CHD1L: variants seen among roughly 807,000 people sequenced by gnomAD.
CHD1L encodes chromodomain helicase DNA binding protein 1 like.
CHD1L carries 118 observed loss-of-function variants against 115.9 expected under a neutral mutation model. The ratio of observed to expected loss-of-function variants is 1.02; its 90% CI spans 0.88 to 1.19. The LOEUF (loss-of-function observed/expected upper bound fraction) is 1.19. Among genes scored for constraint, CHD1L ranks in the 50% most tolerant of loss-of-function variants. The probability of loss-of-function intolerance (pLI) is 0.00; values close to 1 mark genes in which losing one functional copy is unlikely to be tolerated. For synonymous variants in CHD1L, 411 were observed against 387.1 expected, an observed-to-expected ratio of 1.06 and a Z score of -0.72; for missense variants, 1,179 against 1,065.3, an observed-to-expected ratio of 1.11 and a Z score of -1.49.
the CHD1L span, chr1:147,209,532 C>G: frequency 6.5e-6 from 1 of 154,502 alleles, no homozygotes; most frequent in Non-Finnish European, 1.4e-5. Flanking sequence ...CTGCCATTTT[C>G]CTTCCCAAAC....
At chr1:147,293,552 T>G in intron 20 of CHD1L, 56 bp from the exon 21 acceptor site, 1 of 1,470,878 alleles carries the variant, frequency 6.8e-7, no homozygotes. Flanking sequence ...GGCGGTCACT[T>G]GGTTGAGTGT....
At chr1:147,264,880 T>G (rs1368003247) in intron 7 of CHD1L, among the ~76,000 whole-genome samples, 2 of 152,214 alleles carry the variant, frequency 1.3e-5, no homozygotes, top group Non-Finnish European at 2.9e-5. Flanking sequence ...ACTTGTAATT[T>G]CTATAAAGGC....
chr1:147,282,731 C>T (rs1046039614), intron 15 of CHD1L, among the ~76,000 whole-genome samples: 1 of 152,144 alleles, frequency 6.6e-6, no homozygotes, highest in Non-Finnish European at 1.5e-5. Flanking sequence ...ATAATTTCAG[C>T]TTATTTTCCT....
chr1:147,253,121 G>C (rs1668943746), intron 2 of CHD1L, among the ~76,000 whole-genome samples: 1 of 152,200 alleles, frequency 6.6e-6, no homozygotes, highest in African/African-American at 2.4e-5. Flanking sequence ...TCTAATTTTA[G>C]TATTGGGGTA....
In CHD1L at chr1:147,252,873, C is replaced by G. The variant is rs1033287453; in HGVS notation, c.240+138C>G. On this transcript the variant is annotated intron_variant, in intron 2 of 22. Transcript: ENST00000369258. ...TGGGATCCAGGCTAACTGGCTCTTG[C>G]ACCGGGAAAGGGCCTTCCCTGTACA... The G allele has an allele frequency of 7.3e-6, 5 of 688,332 alleles. No homozygotes were observed. In the East Asian group the frequency reaches 1.3e-4, roughly 19 times the overall value. The allele number at this position is 688,332 out of a possible 1,614,324, so 42.6% of individuals were successfully genotyped here.
chr1:147,233,362 C>T, the CHD1L span, among the ~76,000 whole-genome samples: 153 of 148,530 alleles, frequency 1.0e-3, no homozygotes, highest in Non-Finnish European at 1.7e-3. Flanking sequence ...CCGCCCCGTC[C>T]GGGAGGGAGG....
the CHD1L span, among the ~76,000 whole-genome samples, chr1:147,186,104 A>C: frequency 6.6e-6 from 1 of 152,182 alleles, no homozygotes; most frequent in Non-Finnish European, 1.5e-5. Context: ...GCTACTTATC[A>C]TATTTCCTAA....
intron 11 of CHD1L, among the ~76,000 whole-genome samples, chr1:147,271,566 G>A (rs587756316): frequency 2.0e-5 from 3 of 152,268 alleles, no homozygotes; most frequent in South Asian, 2.1e-4. Flanking sequence ...AACAGCTCCA[G>A]ACCTTACAAT....
At chr1:147,203,406 G>A in the CHD1L span, 2 of 937,908 alleles carry the variant, frequency 2.1e-6, no homozygotes, top group Non-Finnish European at 3.6e-6. Context: ...TGATAGACCA[G>A]TGTTTTCCCA....
rs77910134 is a variant in CHD1L, at chr1:147,269,079, A to C, written c.1085+201A>C. Among the ~76,000 whole-genome samples the C allele has an allele frequency of 2.2e-3, 337 of 151,914 alleles. 10 individuals are homozygous for C. In the East Asian group the frequency reaches 0.062, roughly 28 times the overall value. ...TCCACAATCATTCTTTCGTTTCCTG[A>C]ATTTGTACAGCACTTATAATCCTAA... is the stretch of plus-strand genomic sequence containing the variant. On this transcript the variant is annotated intron_variant, in intron 10 of 22. Transcript: ENST00000369258.
chr1:147,273,388 A>G (rs892242359), intron 12 of CHD1L, among the ~76,000 whole-genome samples: 45 of 152,224 alleles, frequency 3.0e-4, no homozygotes, highest in African/African-American at 9.4e-4. Flanking sequence ...GCCTGCTGCT[A>G]TAAGGGTATA....
the CHD1L span, chr1:147,201,632 T>C: frequency 1.5e-6 from 1 of 677,806 alleles, no homozygotes; most frequent in Non-Finnish European, 2.5e-6. Context: ...ATGCATGAAG[T>C]TTGGAAAAGG....
At chr1:147,280,812 C>T (rs1165018074) in intron 15 of CHD1L, among the ~76,000 whole-genome samples, 1 of 152,018 alleles carries the variant, frequency 6.6e-6, no homozygotes, top group Admixed American at 6.6e-5. Context: ...AAAGGTATTC[C>T]CTGGCATCTT....
At chr1:147,191,919 T>C in the CHD1L span, among the ~76,000 whole-genome samples, 1 of 152,218 alleles carries the variant, frequency 6.6e-6, no homozygotes, top group East Asian at 1.9e-4. Context: ...TGTAGCCTTG[T>C]AGTATAGTTT....
At chr1:147,204,842 T>C in the CHD1L span, 19 of 1,602,758 alleles carry the variant, frequency 1.2e-5, no homozygotes, top group South Asian at 1.9e-4. Flanking sequence ...TGTATGTTTC[T>C]ATACACAGCC....
intron 1 of CHD1L, among the ~76,000 whole-genome samples, chr1:147,250,935 C>T (rs1407077644): frequency 2.0e-5 from 3 of 152,098 alleles, no homozygotes; most frequent in Non-Finnish European, 4.4e-5. Context: ...ATATTATTCT[C>T]ATGGTAGTGA....
the CHD1L span, among the ~76,000 whole-genome samples, chr1:147,213,102 T>C: frequency 1.0e-3 from 155 of 152,272 alleles, no homozygotes; most frequent in African/African-American, 3.5e-3. Context: ...TAAAACTAAA[T>C]AGACTGCAAA....
At chr1:147,215,678 A>G in the CHD1L span, 1 of 1,071,570 alleles carries the variant, frequency 9.3e-7, no homozygotes, top group Non-Finnish European at 1.4e-6. Context: ...AGAAGTAAAC[A>G]TTGGTAACTG....
intron 20 of CHD1L, 95 bp downstream of exon 20, chr1:147,291,647 A>C: frequency 1.1e-6 from 1 of 942,844 alleles, no homozygotes; most frequent in Non-Finnish European, 1.7e-6. Flanking sequence ...CTGCTAGTGT[A>C]TTAGTTTGTT....
Sources: allele counts gnomAD v4.1 joint callset (sites outside exome capture counted in the v4.1 genomes callset), GRCh38; gene constraint gnomAD v4.1.1; transcripts MANE v1.5; gene names NCBI Gene and HGNC (gene_info 2026-07-23, HGNC 2026-07-21).